TBXAS1: variants seen among roughly 807,000 people sequenced by gnomAD.
TBXAS1 encodes thromboxane A synthase 1, also known as thromboxane-A synthase.
In TBXAS1, 48 loss-of-function variants were observed where a neutral mutation model predicts 60.7. The observed-to-expected ratio is 0.79, with a 90% CI of 0.63 to 1.01. The LOEUF is 1.01. TBXAS1 is among the 50% of genes least tolerant of loss of function. The pLI is 0.00. For synonymous variants in TBXAS1, 287 were observed against 269.7 expected (o/e 1.06, Z -0.63); for missense variants, 685 against 686.3 (o/e 1.00, Z 0.02).
chr7:139,800,597 C>T (rs1168306873), intron 4 of TBXAS1, among the ~76,000 whole-genome samples: 2 of 152,136 alleles, frequency 1.3e-5, no homozygotes, highest in African/African-American at 4.8e-5. Flanking sequence ...TTTCTGCCTC[C>T]CCCAGACCTG....
chr7:140,001,171 T>C (rs940878883), intron 9 of TBXAS1, among the ~76,000 whole-genome samples: 2 of 152,182 alleles, frequency 1.3e-5, no homozygotes, highest in Non-Finnish European at 2.9e-5. Flanking sequence ...ATTTTGAGAT[T>C]TCCCCCCAGC....
chr7:139,838,417 G>A (rs1445140465), intron 1 of TBXAS1, among the ~76,000 whole-genome samples: 1 of 152,134 alleles, frequency 6.6e-6, no homozygotes. Flanking sequence ...TTCTTCCTGT[G>A]GTTCTTCTCT....
chr7:139,955,664 C>T (rs2117335604), intron 7 of TBXAS1, 57 bp downstream of exon 7: 3 of 1,609,540 alleles, frequency 1.9e-6, no homozygotes, highest in Admixed American at 3.3e-5. Flanking sequence ...GGGCAGACCC[C>T]ATGACACCTG....
intron 9 of TBXAS1, among the ~76,000 whole-genome samples, chr7:139,997,847 C>T (rs1045477119): frequency 2.0e-5 from 3 of 152,244 alleles, no homozygotes; most frequent in African/African-American, 7.2e-5. Context: ...ATACACATCC[C>T]TCATGACCCG....
chr7:139,994,004 C>T (rs1349088826), intron 9 of TBXAS1, among the ~76,000 whole-genome samples: 2 of 151,554 alleles, frequency 1.3e-5, no homozygotes, highest in Non-Finnish European at 2.9e-5. Flanking sequence ...CTGCCCCAGC[C>T]TCCCAAGTAG....
intron 2 of TBXAS1, 109 bp downstream of exon 2, chr7:139,872,437 C>A: frequency 9.2e-7 from 1 of 1,084,174 alleles, no homozygotes; most frequent in South Asian, 1.2e-5. Context: ...TGTGGATCAC[C>A]TGAGGTCAGG....
At chr7:139,897,769 T>C (rs970025841) in intron 3 of TBXAS1, among the ~76,000 whole-genome samples, 2 of 152,160 alleles carry the variant, frequency 1.3e-5, no homozygotes, top group African/African-American at 4.8e-5. Flanking sequence ...GCATGAGTAC[T>C]CTGAGGGTAA....
chr7:139,838,115 A>G (rs1799186684), intron 1 of TBXAS1, among the ~76,000 whole-genome samples: 1 of 152,206 alleles, frequency 6.6e-6, no homozygotes, highest in South Asian at 2.1e-4. Context: ...GAAAGCTCCT[A>G]GAACTGATAA....
intron 5 of TBXAS1, among the ~76,000 whole-genome samples, chr7:139,942,562 A>G (rs1808377102): frequency 6.6e-6 from 1 of 152,242 alleles, no homozygotes; most frequent in Non-Finnish European, 1.5e-5. Flanking sequence ...AAAGCCCAAT[A>G]TAAATGATGG....
chr7:139,943,462 T>G (rs779310070), intron 5 of TBXAS1, among the ~76,000 whole-genome samples: 4 of 152,238 alleles, frequency 2.6e-5, no homozygotes, highest in Non-Finnish European at 5.9e-5. Flanking sequence ...CTCCTCATCA[T>G]GGGCACCCCA....
intron 4 of TBXAS1, among the ~76,000 whole-genome samples, chr7:139,932,773 G>C (rs998219360): frequency 2.0e-5 from 3 of 152,132 alleles, no homozygotes; most frequent in African/African-American, 7.2e-5. Flanking sequence ...TAAACAAAAA[G>C]AGGCCAGGCA....
Position 139,837,311 on chromosome 7 carries a change from G to A in TBXAS1, c.89+7832G>A, listed in dbSNP as rs181435452. ...TTTGATCCAGCAATTCCGCTACTGGGTATCTACCCAAAGGAAAAGAAGTCT... is the reference window on the plus strand; with the variant it reads ...TTTGATCCAGCAATTCCGCTACTGGATATCTACCCAAAGGAAAAGAAGTCT... On this transcript the variant is annotated intron_variant, in intron 1 of 12. Transcript: ENST00000448866. Among the ~76,000 whole-genome samples the A allele has an allele frequency of 2.0e-5, 3 of 152,260 alleles. 1 individual carries two copies. Among genetic ancestry groups the A allele is most frequent in the African/African-American group, 7.2e-5 (3 of 41,536 alleles).
At chr7:139,945,495 T>C (rs762382447) in intron 5 of TBXAS1, among the ~76,000 whole-genome samples, 23 of 152,230 alleles carry the variant, frequency 1.5e-4, no homozygotes, top group Non-Finnish European at 2.9e-4. Context: ...GTACCTTCTA[T>C]GTCAAGGCTC....
At chr7:139,972,326 T>A (rs1350710812) in intron 9 of TBXAS1, among the ~76,000 whole-genome samples, 1 of 152,160 alleles carries the variant, frequency 6.6e-6, no homozygotes, top group Admixed American at 6.5e-5. Context: ...AATAAGCTTG[T>A]GGGGTTGGTT....
At chr7:139,866,383 A>T (rs1801420343) in intron 1 of TBXAS1, among the ~76,000 whole-genome samples, 2 of 152,230 alleles carry the variant, frequency 1.3e-5, no homozygotes, top group South Asian at 4.1e-4. Context: ...CATAAAAATG[A>T]TATTTATAAA....
intron 10 of TBXAS1, 148 bp downstream of exon 10, chr7:140,007,330 G>C: frequency 2.8e-6 from 2 of 718,064 alleles, no homozygotes; most frequent in Non-Finnish European, 5.0e-6. Context: ...GTATCCCCAT[G>C]GCACCTCAGA....
intron 1 of TBXAS1, among the ~76,000 whole-genome samples, chr7:139,858,957 C>T (rs981849413): frequency 2.6e-5 from 4 of 152,210 alleles, no homozygotes; most frequent in African/African-American, 9.6e-5. Context: ...CAACCTCCCC[C>T]TCCTGGGTTC....
At chr7:139,894,325 C>A (rs1002351454) in intron 3 of TBXAS1, among the ~76,000 whole-genome samples, 1 of 152,096 alleles carries the variant, frequency 6.6e-6, no homozygotes, top group African/African-American at 2.4e-5. Context: ...GGGAGAAGGG[C>A]AGGGCATGGA....
intron 1 of TBXAS1, among the ~76,000 whole-genome samples, chr7:139,843,724 C>A (rs1176718684): frequency 6.6e-6 from 1 of 152,170 alleles, no homozygotes; most frequent in African/African-American, 2.4e-5. Context: ...ACATCTTAAG[C>A]CAGTGAGTGC....
Sources: gnomAD v4.1 joint callset for allele counts (sites outside exome capture counted in the v4.1 genomes callset) on GRCh38, gnomAD v4.1.1 for gene constraint, MANE v1.5 for transcripts, NCBI Gene and HGNC (gene_info 2026-07-23, HGNC 2026-07-21) for gene names.